TDRD7: variants seen among roughly 807,000 people sequenced by gnomAD.
TDRD7 encodes tudor domain-containing protein 7.
A neutral mutation model predicts 109.8 loss-of-function variants in TDRD7; 47 were observed. The observed-to-expected ratio is 0.43, with a 90% confidence interval of 0.34 to 0.55. The LOEUF is 0.55. Ranked by LOEUF, TDRD7 falls within the 20% of genes least tolerant of loss-of-function variation. The pLI is 0.03. For synonymous variants in TDRD7, 424 were observed against 457.3 expected (o/e 0.93, Z 0.93); for missense variants, 1,164 against 1,319.2 (o/e 0.88, Z 1.82).
Position 97,432,065 on chromosome 9 carries a change from A to C in TDRD7, c.390A>C (p.Ser130=). Reference sequence around the variant, plus strand: ...CCCTCAGACAACCAGGATTTGCTTCAAATTTTTCTGTTGGCAAAAAACCTA... The same window carrying C: ...CCCTCAGACAACCAGGATTTGCTTCCAATTTTTCTGTTGGCAAAAAACCTA... ...KATLRQPGFA[S]NFSVGKKPNP... is the part of the protein sequence containing the mutation. Residue 130 remains serine (S), a synonymous_variant, in exon 4 of 17, where the codon TCA becomes TCC. Coordinates refer to ENST00000355295, the MANE Select transcript of TDRD7 (RefSeq NM_014290.3). 6.2e-7 allele frequency: 1 copy of C among 1,613,848 alleles called. No individual in the cohort carries two copies. The highest frequency in any genetic ancestry group is 8.5e-7 in the Non-Finnish European group (1 of 1,179,792).
At chr9:97,474,315 A>G (rs1828974147) in intron 11 of TDRD7, among the ~76,000 whole-genome samples, 2 of 152,114 alleles carry the variant, frequency 1.3e-5, no homozygotes, top group African/African-American at 4.8e-5. Flanking sequence ...CCCTACTGCC[A>G]CTTCTGCCCT....
At chr9:97,428,729 G>C in intron 2 of TDRD7, 57 bp downstream of exon 2, 1 of 1,525,198 alleles carries the variant, frequency 6.6e-7, no homozygotes, top group Non-Finnish European at 9.0e-7. Context: ...TTGCCTCTCT[G>C]GCACTTCCAA....
intron 6 of TDRD7, among the ~76,000 whole-genome samples, chr9:97,442,997 T>C (rs1433711810): frequency 1.3e-5 from 2 of 152,164 alleles, no homozygotes; most frequent in Admixed American, 1.3e-4. Context: ...GGTTTCACCA[T>C]GTTGGCCAGG....
intron 6 of TDRD7, among the ~76,000 whole-genome samples, chr9:97,446,786 G>A (rs1828409207): frequency 6.6e-6 from 1 of 151,958 alleles, no homozygotes; most frequent in Non-Finnish European, 1.5e-5. Context: ...GCACCTTTTT[G>A]CCCATGTAAA....
At chr9:97,414,296 A>G (rs1827776166) in intron 1 of TDRD7, among the ~76,000 whole-genome samples, 1 of 152,264 alleles carries the variant, frequency 6.6e-6, no homozygotes, top group Admixed American at 6.5e-5. Flanking sequence ...GAAGACATGT[A>G]TATATGCCAA....
intron 1 of TDRD7, among the ~76,000 whole-genome samples, chr9:97,420,601 A>G (rs1827883897): frequency 1.3e-5 from 2 of 152,182 alleles, no homozygotes; most frequent in Non-Finnish European, 2.9e-5. Context: ...TGTTTTATGT[A>G]TCAACAGATT....
intron 8 of TDRD7, among the ~76,000 whole-genome samples, chr9:97,466,335 C>A (rs1003504386): frequency 6.6e-6 from 1 of 152,192 alleles, no homozygotes; most frequent in Non-Finnish European, 1.5e-5. Context: ...TTCCCATTTG[C>A]AGAGGCATTT....
At chr9:97,457,766 A>C (rs1828643932) in intron 6 of TDRD7, among the ~76,000 whole-genome samples, 1 of 152,196 alleles carries the variant, frequency 6.6e-6, no homozygotes, top group Non-Finnish European at 1.5e-5. Context: ...AGATAAAGAA[A>C]ATGTGGTGCG....
Position 97,476,564 on chromosome 9 carries a change from GA to G in TDRD7, c.2166+1109del, listed in dbSNP as rs11370965. ...CATACCATCTCTACAAAACCAAAAA[GA>G]AAAAAAAAAAAAACTAAACAAAAAA... On this transcript the variant is annotated intron_variant, in intron 12 of 16. Transcript: ENST00000355295. 3.1e-3 allele frequency among the ~76,000 whole-genome samples: 382 copies of G among 123,394 alleles called. 4 individuals are homozygous for G. Among genetic ancestry groups the G allele is most frequent in the Middle Eastern group, 8.9e-3 (2 of 224 alleles). The allele number at this position is 123,394 out of a possible 152,430, so 81.0% of individuals were successfully genotyped here.
intron 1 of TDRD7, among the ~76,000 whole-genome samples, chr9:97,425,550 T>A (rs1042661230): frequency 6.6e-6 from 1 of 152,140 alleles, no homozygotes; most frequent in African/African-American, 2.4e-5. Flanking sequence ...ACACAATAAC[T>A]AAATTGCCTA....
intron 6 of TDRD7, among the ~76,000 whole-genome samples, chr9:97,442,784 A>T (rs1005971523): frequency 6.6e-6 from 1 of 151,990 alleles, no homozygotes. Context: ...GGCCTAAAGA[A>T]AGCATGTATT....
intron 5 of TDRD7, among the ~76,000 whole-genome samples, chr9:97,440,874 T>C (rs910431834): frequency 6.6e-6 from 1 of 152,246 alleles, no homozygotes; most frequent in Non-Finnish European, 1.5e-5. Flanking sequence ...ATTCCAGGAC[T>C]GTCAGCTATA....
intron 6 of TDRD7, among the ~76,000 whole-genome samples, chr9:97,444,686 AAGTGC>A (rs1316606627): frequency 6.6e-6 from 1 of 152,208 alleles, no homozygotes; most frequent in Admixed American, 6.5e-5. Context: ...GGAGAAATCT[AAGTGC>A]AGTGTATTTC....
intron 7 of TDRD7, 136 bp downstream of exon 7, chr9:97,460,900 G>A (rs1050392111): frequency 4.5e-5 from 36 of 799,516 alleles, no homozygotes; most frequent in Non-Finnish European, 7.3e-5. Context: ...CCAGCACTTT[G>A]GGAGGCCGAG....
intron 16 of TDRD7, among the ~76,000 whole-genome samples, chr9:97,490,550 G>GT (rs1554750848): frequency 1.9e-5 from 1 of 54,036 alleles, no homozygotes; most frequent in Non-Finnish European, 5.6e-5. Context: ...ATATTTTGGT[G>GT]GGGGGGGGGG....
intron 6 of TDRD7, among the ~76,000 whole-genome samples, chr9:97,452,573 T>C (rs1828517674): frequency 6.6e-6 from 1 of 152,300 alleles, no homozygotes; most frequent in East Asian, 1.9e-4. Context: ...AAGAATAATA[T>C]AAAACTGCTG....
At chr9:97,461,185 T>C (rs1436476690) in intron 7 of TDRD7, among the ~76,000 whole-genome samples, 1 of 151,836 alleles carries the variant, frequency 6.6e-6, no homozygotes, top group African/African-American at 2.4e-5. Context: ...TATAGAGTTA[T>C]AGTGAGGCTT....
At chr9:97,424,516 C>G (rs1000959131) in intron 1 of TDRD7, among the ~76,000 whole-genome samples, 2 of 152,104 alleles carry the variant, frequency 1.3e-5, no homozygotes, top group Non-Finnish European at 2.9e-5. Flanking sequence ...TTTGGTGCAC[C>G]TATGCTTAGG....
At chr9:97,446,677 A>G (rs1828406525) in intron 6 of TDRD7, among the ~76,000 whole-genome samples, 1 of 152,220 alleles carries the variant, frequency 6.6e-6, no homozygotes, top group South Asian at 2.1e-4. Context: ...AAAGGAGGCA[A>G]GAGTTTCTGT....
Sources: gnomAD v4.1 joint callset for allele counts (sites outside exome capture counted in the v4.1 genomes callset) on GRCh38, gnomAD v4.1.1 for gene constraint, MANE v1.5 for transcripts, NCBI Gene and HGNC (gene_info 2026-07-23, HGNC 2026-07-21) for gene names.